Variants in CASZ1 observed in about 807,000 individuals in gnomAD.
The protein encoded by CASZ1 is castor zinc finger 1.
Under a neutral mutation model 135.2 loss-of-function variants are expected in CASZ1, and 28 were observed. The observed-to-expected ratio is 0.21, with a 90% CI of 0.15 to 0.28. The LOEUF (loss-of-function observed/expected upper bound fraction) is 0.28, where lower values mean the gene tolerates loss of function less well. Among genes scored for constraint, CASZ1 ranks in the 10% least tolerant of loss-of-function variants. The pLI, the probability that CASZ1 is intolerant of heterozygous loss-of-function variation, is 1.00. For synonymous variants in CASZ1, 1,068 were observed against 1,073.4 expected (o/e 0.99, Z 0.10); for missense variants, 2,161 against 2,453.3 (o/e 0.88, Z 2.52).
intron 2 of CASZ1, among the ~76,000 whole-genome samples, chr1:10,708,857 C>T (rs1412891022): frequency 2.7e-5 from 4 of 149,818 alleles, no homozygotes; most frequent in African/African-American, 4.9e-5. Context: ...GGCCTGCAGG[C>T]GGCTCGGAGT....
At position 10,655,761 on chromosome 1, in the gene CASZ1, C is replaced by A; in HGVS notation, c.1553G>T (p.Arg518Leu). 1 of 1,614,222 alleles carries A rather than the reference C, an allele frequency of 6.2e-7. No homozygotes were observed. Among genetic ancestry groups the A allele is most frequent in the Non-Finnish European group, 8.5e-7 (1 of 1,180,012 alleles). The change falls in exon 9 of 21, where the codon CGC (arginine) becomes CTC (leucine). Residue 518 changes from arginine to leucine, a missense_variant. Arg to Leu is a moderately radical substitution (Grantham distance 102, BLOSUM62 -2). This residue lies in a region of CASZ1 where 248 missense variants were observed against 410.8 expected (regional missense o/e 0.60). Coordinates refer to ENST00000377022, the MANE Select transcript of CASZ1 (RefSeq NM_001079843.3). ...VIRHYNMHKK[R>L]DNSLQHGFMR... is the part of the protein sequence containing the mutation. ...GAAGCCGTGCTGCAGGGAGTTGTCG[C>A]GCTTCTTGTGCATGTTGTAGTGGCG...
intron 2 of CASZ1, among the ~76,000 whole-genome samples, chr1:10,751,359 G>A (rs564802392): frequency 6.6e-6 from 1 of 152,124 alleles, no homozygotes; most frequent in Admixed American, 6.5e-5. Context: ...ACAGAGGGCA[G>A]AGAAGCCGAC....
rs184541330 is a variant in CASZ1, at chr1:10,702,225, T to C, written c.-24+3267A>G. Among the ~76,000 whole-genome samples the C allele has an allele frequency of 1.8e-4, 28 of 152,238 alleles. No individual in the cohort carries two copies. The East Asian group carries it at 5.5e-3, about 30-fold the overall frequency. On this transcript the variant is annotated intron_variant, in intron 3 of 20. Transcript: ENST00000377022. ...AGCCCTGGCGGGGTCTTCATCACCC[T>C]CTTGCCTTGGCTTCAGCAGATCCCC...
rs17035702 is a variant in CASZ1 at position 10,774,219 on chromosome 1, G to C, written c.-233-13362C>G. Among the ~76,000 whole-genome samples, 11,243 of 152,128 alleles carry C rather than the reference G, an allele frequency of 0.074. 951 individuals carry two copies. Among genetic ancestry groups the C allele is most frequent in the African/African-American group, 0.21 (8,608 of 41,462 alleles). On this transcript the variant is annotated intron_variant, in intron 1 of 20. Transcript: ENST00000377022. This position sits in a 1 kb window ranked among gnomAD's most constrained non-coding sequence, Gnocchi z 4.4. Reference sequence around the variant, plus strand: ...GGAGTGCACCCTCCCACCTGACACCGTCGCTAAATCCTTGGATACACACGG... The same window carrying C: ...GGAGTGCACCCTCCCACCTGACACCCTCGCTAAATCCTTGGATACACACGG...
Position 10,757,547 on chromosome 1 carries a change from G to T in CASZ1, c.-77+3154C>A, listed in dbSNP as rs374650219. ...TCATGCCTGTAATCCCAGCACCTTG[G>T]GGGGCTGAGGTGGGTGGATCACTTG... On this transcript the variant is annotated intron_variant, in intron 2 of 20. Transcript: ENST00000377022. The surrounding 1 kb of genome is among the most constrained non-coding windows in gnomAD (Gnocchi z 4.6). Among the ~76,000 whole-genome samples the T allele has an allele frequency of 9.2e-5, 14 of 152,132 alleles. No individual in the cohort carries two copies. Among genetic ancestry groups the T allele is most frequent in the Admixed American group, 1.3e-4 (2 of 15,272 alleles).
rs551441651 is a variant in CASZ1 at position 10,657,264 on chromosome 1, G to A, written c.1410-528C>T. On this transcript the variant is annotated intron_variant, in intron 7 of 20. Coordinates refer to ENST00000377022, the MANE Select transcript of CASZ1 (RefSeq NM_001079843.3). This position sits in a 1 kb window ranked among gnomAD's most constrained non-coding sequence, Gnocchi z 5.7. ...ACGAGCTCACTCTCCAGCCGCCGCC[G>A]CCACCGCCAGGAACCTGTGCTGCCT... Among the ~76,000 whole-genome samples the A allele has an allele frequency of 2.0e-5, 3 of 152,312 alleles. No individual in the cohort carries two copies. Among genetic ancestry groups the A allele is most frequent in the South Asian group, 2.1e-4 (1 of 4,828 alleles).
chr1:10,795,377 A>T (rs1182646001), intron 1 of CASZ1, among the ~76,000 whole-genome samples: 2 of 152,148 alleles, frequency 1.3e-5, no homozygotes, highest in African/African-American at 4.8e-5. Flanking sequence ...TGCCTATTTC[A>T]GCCCTGTGCC....
chr1:10,643,093 A>C, intron 19 of CASZ1, 67 bp downstream of exon 19: 2 of 1,596,116 alleles, frequency 1.3e-6, no homozygotes, highest in South Asian at 2.2e-5. Context: ...CAGGCCTGAG[A>C]GTGAGCGTGG....
chr1:10,649,631 G>C, intron 13 of CASZ1, 194 bp from the exon 14 acceptor site: 1 of 619,552 alleles, frequency 1.6e-6, no homozygotes, highest in Non-Finnish European at 2.7e-6. Flanking sequence ...GTGCTGCCCC[G>C]ACCCCAGGAG....
At chr1:10,742,304 G>A (rs1010689492) in intron 2 of CASZ1, among the ~76,000 whole-genome samples, 2 of 152,238 alleles carry the variant, frequency 1.3e-5, no homozygotes, top group African/African-American at 2.4e-5. Context: ...GGATCAGGCT[G>A]TCATCTGGAG....
rs1292946119 is a variant in CASZ1, at chr1:10,694,653, T to C, written c.-23-741A>G. Among the ~76,000 whole-genome samples, 1 of 140,350 alleles carries C rather than the reference T, an allele frequency of 7.1e-6. No individual in the cohort carries two copies. The highest frequency in any genetic ancestry group is 1.6e-5 in the Non-Finnish European group (1 of 63,638). 92.1% of individuals were successfully genotyped at this position (140,350 alleles called of 152,430 possible). A position where few individuals can be genotyped will look rare whatever the true frequency, so the allele number is the denominator to read the frequency against. ...CGCCCGCCCGCCGCCCGCCGCCCGG[T>C]GCCGGAGTGAATGGGCTCGCGCTCG... On this transcript the variant is annotated intron_variant, in intron 3 of 20. Coordinates refer to ENST00000377022, the MANE Select transcript of CASZ1 (RefSeq NM_001079843.3). This position sits in a 1 kb window ranked among gnomAD's most constrained non-coding sequence, Gnocchi z 6.6.
rs1240350078 is a variant in CASZ1 at position 10,656,728 on chromosome 1, C to T, written c.1418G>A (p.Gly473Asp). The change falls in exon 8 of 21, where the codon GGC becomes GAC. Residue 473 changes from glycine (G) to aspartate (D), a missense_variant. By Grantham distance (94) the Gly-to-Asp change is moderately conservative (BLOSUM62 -1). This residue lies in a region of CASZ1 where 248 missense variants were observed against 410.8 expected (regional missense o/e 0.60). Transcript: ENST00000377022. ...IYQKYIARFS[G>D]SQHCGHIHCA... is the part of the protein sequence containing the mutation. ...GTGGATGTGGCCACAGTGCTGGCTGCCCGAGAACCTGGAGGGAGGAGGGGT... is the reference window on the plus strand; with the variant it reads ...GTGGATGTGGCCACAGTGCTGGCTGTCCGAGAACCTGGAGGGAGGAGGGGT... The T allele has an allele frequency of 1.3e-6, 2 of 1,593,594 alleles. No homozygotes were observed. Among genetic ancestry groups the T allele is most frequent in the South Asian group, 1.1e-5 (1 of 87,404 alleles).
intron 1 of CASZ1, among the ~76,000 whole-genome samples, chr1:10,764,992 C>T (rs1217285569): frequency 1.3e-5 from 2 of 152,190 alleles, no homozygotes; most frequent in African/African-American, 4.8e-5. Flanking sequence ...CCTGTTGGGA[C>T]AGGACAACTT....
chr1:10,752,612 A>C (rs1640168729), intron 2 of CASZ1, among the ~76,000 whole-genome samples: 1 of 152,180 alleles, frequency 6.6e-6, no homozygotes. Flanking sequence ...GCAGCTCCCC[A>C]GGGAGTGCTG....
At chr1:10,664,811 C>A (rs1050682133) in intron 5 of CASZ1, among the ~76,000 whole-genome samples, 1 of 150,936 alleles carries the variant, frequency 6.6e-6, no homozygotes, top group Non-Finnish European at 1.5e-5. Flanking sequence ...CCCGTCTATC[C>A]CTCCCTCCCT....
intron 2 of CASZ1, among the ~76,000 whole-genome samples, chr1:10,736,047 C>T (rs1639791283): frequency 6.6e-6 from 1 of 152,184 alleles, no homozygotes; most frequent in South Asian, 2.1e-4. Flanking sequence ...CTGCAACAGA[C>T]CACCCCAAGT....
At position 10,665,355 on chromosome 1, in the gene CASZ1, C is replaced by T. The variant is rs376050510; in HGVS notation, c.233G>A (p.Arg78His). ...TGCCCGTCTCTTGTCTTCCTCGCTGCGGGGGGCCCGGGCTGCCCCAGACTC... is the reference window on the plus strand; with the variant it reads ...TGCCCGTCTCTTGTCTTCCTCGCTGTGGGGGGCCCGGGCTGCCCCAGACTC... ...GPESGAARAP[R>H]SEEDKRRAVI... Residue 78 changes from arginine to histidine, a missense_variant, in exon 5 of 21, where the codon CGC becomes CAC. Transcript: ENST00000377022. 217 of 1,611,186 alleles carry T rather than the reference C, an allele frequency of 1.3e-4. 1 individual carries two copies. The Middle Eastern group carries it at 4.6e-3, about 34-fold the overall frequency.
intron 15 of CASZ1, 75 bp downstream of exon 15, chr1:10,648,995 C>G (rs1442932259): frequency 6.3e-7 from 1 of 1,576,068 alleles, no homozygotes; most frequent in Non-Finnish European, 8.7e-7. Context: ...CTGTACCAGC[C>G]TGAGCCCCAC....
Position 10,646,318 on chromosome 1 carries a change from C to A in CASZ1, c.3506G>T (p.Cys1169Phe), listed in dbSNP as rs943403776. 7 of 1,613,966 alleles carry A rather than the reference C, an allele frequency of 4.3e-6. No individual in the cohort carries two copies. The highest frequency in any genetic ancestry group is 5.9e-6 in the Non-Finnish European group (7 of 1,179,966). ...GFLQFQENDP[C>F]LATDCKYANK... ...GGCGTACTTGCAGTCCGTGGCGAGG[C>A]AAGGATCGCTGGAAGGAAACCACAG... Residue 1169 changes from cysteine (C) to phenylalanine (F), a missense_variant, in exon 17 of 21, where the codon TGC (cysteine) becomes TTC (phenylalanine). Transcript: ENST00000377022. This position sits in a 1 kb window ranked among gnomAD's most constrained non-coding sequence, Gnocchi z 6.4.
Sources: gnomAD v4.1 joint callset for allele counts (sites outside exome capture counted in the v4.1 genomes callset) on GRCh38, gnomAD v4.1.1 for gene constraint, gnomAD v4.1.1 regional missense constraint, Gnocchi (gnomAD v3.1) non-coding constraint, MANE v1.5 for transcripts, NCBI Gene and HGNC (gene_info 2026-07-23, HGNC 2026-07-21) for gene names.